TDRD9: variants seen among roughly 807,000 people sequenced by gnomAD.
TDRD9 encodes ATP-dependent RNA helicase TDRD9.
A neutral mutation model predicts 172.6 loss-of-function variants in TDRD9; 124 were observed. The observed-to-expected ratio is 0.72, with a 90% CI of 0.62 to 0.83. The LOEUF (loss-of-function observed/expected upper bound fraction) is 0.83, where lower values mean the gene tolerates loss of function less well. Among genes scored for constraint, TDRD9 ranks in the 40% least tolerant of loss-of-function variants. The probability of loss-of-function intolerance (pLI) is 0.00; values close to 1 mark genes in which losing one functional copy is unlikely to be tolerated. For missense variants in TDRD9, 1,479 were observed against 1,714.1 expected (o/e 0.86, Z 2.42); for synonymous variants, 619 against 617.1 (o/e 1.00, Z -0.05).
At chr14:103,969,775 C>T (rs2032937304) in intron 5 of TDRD9, among the ~76,000 whole-genome samples, 1 of 126,972 alleles carries the variant, frequency 7.9e-6, no homozygotes, top group East Asian at 2.5e-4. Context: ...TTCTTTAGAA[C>T]AGTAGCAGGC....
chr14:103,993,730 C>T lies in TDRD9; in HGVS notation c.1181-602C>T, dbSNP rs76479036. 8.9e-3 allele frequency among the ~76,000 whole-genome samples: 1,361 copies of T among 152,324 alleles called. 16 individuals are homozygous for T. Among genetic ancestry groups the T allele is most frequent in the Middle Eastern group, 0.051 (15 of 294 alleles). On this transcript the variant is annotated intron_variant, in intron 9 of 35. Coordinates refer to ENST00000409874, the MANE Select transcript of TDRD9 (RefSeq NM_153046.3). Reference sequence around the variant, plus strand: ...TACCAGTCATTTTGGATTAAGGGCTCACCCCATTCCAGTATAACTTCATCT... The same window carrying T: ...TACCAGTCATTTTGGATTAAGGGCTTACCCCATTCCAGTATAACTTCATCT...
chr14:103,986,991 G>A lies in TDRD9; in HGVS notation c.1115+671G>A, dbSNP rs141505721. On this transcript the variant is annotated intron_variant, in intron 8 of 35. Transcript: ENST00000409874. Reference sequence around the variant, plus strand: ...TAGCTGGGCATGGTGGTGCGCACCTGTAGTCCCAGCTACTCTGGAGGCTGA... The same window carrying A: ...TAGCTGGGCATGGTGGTGCGCACCTATAGTCCCAGCTACTCTGGAGGCTGA... 7.8e-3 allele frequency among the ~76,000 whole-genome samples: 1,185 copies of A among 152,264 alleles called. 14 individuals are homozygous for A. Among genetic ancestry groups the A allele is most frequent in the African/African-American group, 0.027 (1,141 of 41,532 alleles).
At position 103,938,430 on chromosome 14, in the gene TDRD9, ATATATATATATTT is replaced by A. The variant is rs2030934416; in HGVS notation, c.215+9708_215+9720del. ...TGTGTGTGTGTATATATATATATAT[ATATATATATATTT>A]TTTTTTTTTTTTTGAGATGGTGTCT... On this transcript the variant is annotated intron_variant, in intron 1 of 35. Transcript: ENST00000409874. 7.5e-5 allele frequency among the ~76,000 whole-genome samples: 3 copies of A among 39,930 alleles called. 1 individual carries two copies. Among genetic ancestry groups the A allele is most frequent in the Non-Finnish European group, 1.3e-4 (3 of 22,628 alleles). The allele number at this position is 39,930 out of a possible 152,430, so 26.2% of individuals were successfully genotyped here.
At chr14:103,947,336 T>G (rs541074332) in intron 1 of TDRD9, among the ~76,000 whole-genome samples, 2 of 152,144 alleles carry the variant, frequency 1.3e-5, no homozygotes, top group African/African-American at 2.4e-5. Flanking sequence ...TTTTTGTTTT[T>G]TTTTGTTTTT....
intron 33 of TDRD9, among the ~76,000 whole-genome samples, chr14:104,041,545 C>T (rs1363430364): frequency 6.6e-6 from 1 of 152,194 alleles, no homozygotes; most frequent in Non-Finnish European, 1.5e-5. Flanking sequence ...AAACAAGCAA[C>T]AGAATTAAAA....
In TDRD9 at chr14:103,974,484, T is replaced by C. The variant is rs2033157999; in HGVS notation, c.847-905T>C. ...GCTGCAGTCAGTCATCTTGCCCCAG[T>C]CTGGGGTTGTTCCTCTGCTCCTGCA... On this transcript the variant is annotated intron_variant, in intron 6 of 35. Transcript: ENST00000409874. Among the ~76,000 whole-genome samples the C allele has an allele frequency of 2.0e-5, 3 of 152,220 alleles. No individual in the cohort carries two copies. The South Asian group carries it at 6.2e-4, about 32-fold the overall frequency.
intron 1 of TDRD9, 54 bp downstream of exon 1, chr14:103,928,778 G>T: frequency 1.6e-6 from 1 of 631,968 alleles, no homozygotes; most frequent in Non-Finnish European, 2.2e-6. Context: ...GAGGCCTGGC[G>T]ACGAGGGCAC....
chr14:104,005,467 C>T (rs2034406359), intron 15 of TDRD9, 62 bp downstream of exon 15: 4 of 1,580,144 alleles, frequency 2.5e-6, no homozygotes, highest in South Asian at 1.1e-5. Context: ...CTGTGGCTCC[C>T]TCAGTCTGTG....
At chr14:104,038,513 G>A (rs1303679339) in intron 32 of TDRD9, among the ~76,000 whole-genome samples, 1 of 152,160 alleles carries the variant, frequency 6.6e-6, no homozygotes, top group Non-Finnish European at 1.5e-5. Flanking sequence ...GGAGGCTGGT[G>A]GGTGTCCAGG....
chr14:103,988,936 T>C (rs12880022), intron 8 of TDRD9, among the ~76,000 whole-genome samples: 3,872 of 152,314 alleles, frequency 0.025, 67 homozygotes, highest in Middle Eastern at 0.041. Context: ...TCTTTTGTTA[T>C]TAACTAATTA....
intron 1 of TDRD9, among the ~76,000 whole-genome samples, chr14:103,937,317 A>G: frequency 6.6e-6 from 1 of 152,144 alleles, no homozygotes; most frequent in East Asian, 1.9e-4. Flanking sequence ...TAGCAAGCTA[A>G]TTCCCACCTT....
intron 3 of TDRD9, among the ~76,000 whole-genome samples, chr14:103,964,590 G>A (rs1249350079): frequency 6.6e-6 from 1 of 152,068 alleles, no homozygotes; most frequent in East Asian, 1.9e-4. Flanking sequence ...GCAGTGGCAC[G>A]ATCTTGGCTC....
At position 104,052,283 on chromosome 14, in the gene TDRD9, A is replaced by T; in HGVS notation, c.*201A>T. The T allele has an allele frequency of 2.6e-6, 1 of 391,456 alleles. No homozygotes were observed. Among genetic ancestry groups the T allele is most frequent in the Non-Finnish European group, 4.6e-6 (1 of 217,566 alleles). 24.2% of individuals were successfully genotyped at this position (391,456 alleles called of 1,614,324 possible). On this transcript the variant is annotated 3_prime_UTR_variant, in exon 36 of 36. Transcript: ENST00000409874. ...TTTGTTCAGGTGGGAAGGATTGGAA[A>T]CTCTAGTCTTTTCTAGAAACAGAAA... is the stretch of plus-strand genomic sequence containing the variant.
intron 5 of TDRD9, among the ~76,000 whole-genome samples, chr14:103,967,900 G>A (rs143217192): frequency 0.011 from 1,658 of 152,256 alleles, 19 homozygotes; most frequent in Non-Finnish European, 0.019. Context: ...TATTCATTGG[G>A]CTTTTTAGTA....
intron 1 of TDRD9, among the ~76,000 whole-genome samples, chr14:103,941,909 T>A (rs936763231): frequency 1.3e-5 from 2 of 152,216 alleles, no homozygotes; most frequent in Non-Finnish European, 2.9e-5. Context: ...AATGCTTTTA[T>A]GTAGCTTAGC....
At chr14:104,051,522 T>A (rs569710691) in intron 35 of TDRD9, among the ~76,000 whole-genome samples, 2 of 152,350 alleles carry the variant, frequency 1.3e-5, no homozygotes, top group African/African-American at 4.8e-5. Context: ...CTTTGAGAAA[T>A]CTCCAAACTG....
chr14:103,985,958 G>T (rs2152187763), intron 7 of TDRD9, among the ~76,000 whole-genome samples: 1 of 152,320 alleles, frequency 6.6e-6, no homozygotes, highest in South Asian at 2.1e-4. Context: ...GCCTGTGCAT[G>T]TCTGGGCTCT....
intron 34 of TDRD9, among the ~76,000 whole-genome samples, chr14:104,043,935 A>T (rs554065950): frequency 6.6e-6 from 1 of 152,168 alleles, no homozygotes; most frequent in Non-Finnish European, 1.5e-5. Flanking sequence ...CCATAAGATT[A>T]AGGGTCCTCA....
intron 7 of TDRD9, among the ~76,000 whole-genome samples, chr14:103,984,911 C>G (rs546616713): frequency 6.6e-6 from 1 of 152,208 alleles, no homozygotes; most frequent in Admixed American, 6.5e-5. Context: ...CCAGCTCTTG[C>G]ATCAGTGTGA....
Sources: gnomAD v4.1 joint callset for allele counts (sites outside exome capture counted in the v4.1 genomes callset) on GRCh38, gnomAD v4.1.1 for gene constraint, MANE v1.5 for transcripts, NCBI Gene and HGNC (gene_info 2026-07-23, HGNC 2026-07-21) for gene names.